Variants in KIF26B observed in about 807,000 individuals in gnomAD.
KIF26B encodes kinesin-like protein KIF26B.
In KIF26B, 63 loss-of-function variants were observed where a neutral mutation model predicts 151.2. The observed-to-expected ratio is 0.42, with a 90% CI of 0.34 to 0.51. The LOEUF (loss-of-function observed/expected upper bound fraction) is 0.51, where lower values mean the gene tolerates loss of function less well. Ranked by LOEUF, KIF26B falls within the 20% of genes least tolerant of loss-of-function variation. The pLI is 0.07. For missense variants in KIF26B, 2,813 were observed against 2,913.6 expected (o/e 0.97, Z 0.79); for synonymous variants, 1,357 against 1,262.1 (o/e 1.08, Z -1.59).
chr1:245,651,603 A>G (rs1426663655), intron 10 of KIF26B, among the ~76,000 whole-genome samples: 9 of 152,212 alleles, frequency 5.9e-5, no homozygotes, highest in African/African-American at 1.7e-4. Context: ...CCCAGGCCAC[A>G]GATTGGTACA....
intron 2 of KIF26B, among the ~76,000 whole-genome samples, chr1:245,326,883 C>G (rs1572005205): frequency 6.6e-6 from 1 of 152,250 alleles, no homozygotes; most frequent in Non-Finnish European, 1.5e-5. Context: ...CATCAAGGAT[C>G]AGGCCCCAAG....
chr1:245,293,639 C>A (rs868412325), intron 2 of KIF26B, among the ~76,000 whole-genome samples: 1 of 149,412 alleles, frequency 6.7e-6, no homozygotes, highest in African/African-American at 2.5e-5. Flanking sequence ...AGTGCAATGG[C>A]GCAATCTCCA....
rs548606865 is a variant in KIF26B at position 245,571,383 on chromosome 1, C to T, written c.1350+30433C>T. On this transcript the variant is annotated intron_variant, in intron 5 of 14. Transcript: ENST00000407071. ...CCAGCTCTGAAGAGTTATTTGGTCC[C>T]TAGATCAAGGGGCAGATAAGTCAGA... Among the ~76,000 whole-genome samples the T allele has an allele frequency of 1.1e-4, 16 of 152,312 alleles. No individual in the cohort carries two copies. The South Asian group carries it at 2.9e-3, about 28-fold the overall frequency.
At position 245,698,709 on chromosome 1, in the gene KIF26B, A is replaced by G. The variant is rs1042641948; in HGVS notation, c.6028-178A>G. ...TCCAAGAATGGTCTGTCATAGTCCT[A>G]CCTTGTGAGGTGTCTGAATTGAGGT... On this transcript the variant is annotated intron_variant, in intron 13 of 14. Coordinates refer to ENST00000407071, the MANE Select transcript of KIF26B (RefSeq NM_018012.4). This position sits in a 1 kb window ranked among gnomAD's most constrained non-coding sequence, Gnocchi z 4.0. 2.0e-5 allele frequency among the ~76,000 whole-genome samples: 3 copies of G among 152,104 alleles called. No individual in the cohort carries two copies. The highest frequency in any genetic ancestry group is 7.2e-5 in the African/African-American group (3 of 41,416).
Position 245,698,232 on chromosome 1 carries a change from G to A in KIF26B, c.5951G>A (p.Gly1984Glu), listed in dbSNP as rs2044719894. The A allele has an allele frequency of 6.2e-7, 1 of 1,613,784 alleles. No individual in the cohort carries two copies. The highest frequency in any genetic ancestry group is 2.2e-5 in the East Asian group (1 of 44,880). The change falls in exon 13 of 15, where the codon GGG becomes GAG. Residue 1984 changes from glycine (G) to glutamate (E), a missense_variant. Gly to Glu is a moderately conservative substitution (Grantham distance 98). Transcript: ENST00000407071. The surrounding 1 kb of genome is among the most constrained non-coding windows in gnomAD (Gnocchi z 4.0). Reference sequence around the variant, plus strand: ...TTGCGGAGCAGCCCGAGGGGCCTTGGGGAACCCTTTGAGATTAAAGTCTAT... The same window carrying A: ...TTGCGGAGCAGCCCGAGGGGCCTTGAGGAACCCTTTGAGATTAAAGTCTAT... ...GPLRSSPRGL[G>E]EPFEIKVYEI... is the part of the protein sequence containing the mutation.
At chr1:245,545,527 C>G (rs1715803) in intron 5 of KIF26B, among the ~76,000 whole-genome samples, 56,456 of 152,052 alleles carry the variant, frequency 0.37, 10,703 homozygotes, top group Middle Eastern at 0.41. Flanking sequence ...GTGCTTTATT[C>G]CAGTCAGTCT....
At chr1:245,386,055 A>C (rs2103019642) in intron 3 of KIF26B, among the ~76,000 whole-genome samples, 1 of 152,286 alleles carries the variant, frequency 6.6e-6, no homozygotes, top group South Asian at 2.1e-4. Flanking sequence ...ACCCTGGCCA[A>C]CATGGTGAAA....
intron 5 of KIF26B, among the ~76,000 whole-genome samples, chr1:245,577,584 C>T (rs1204921833): frequency 1.7e-4 from 26 of 150,832 alleles, no homozygotes; most frequent in African/African-American, 6.1e-4. Context: ...GCGATGCTTC[C>T]CCTATACGGA....
intron 14 of KIF26B, among the ~76,000 whole-genome samples, chr1:245,701,745 CGTCTCTTCAGAGCTT>C (rs1372420128): frequency 1.3e-5 from 2 of 152,200 alleles, no homozygotes; most frequent in African/African-American, 4.8e-5. Flanking sequence ...TCCCAGAGCT[CGTCTCTTCAGAGCTT>C]GTCTCGTGCC....
chr1:245,670,930 A>ATCTTGG (rs56332883), intron 10 of KIF26B, among the ~76,000 whole-genome samples: 12,700 of 152,194 alleles, frequency 0.083, 616 homozygotes, highest in African/African-American at 0.13. Context: ...GTACTTTCAA[A>ATCTTGG]TACTAGATCT....
At chr1:245,493,890 A>C (rs1660457042) in intron 4 of KIF26B, among the ~76,000 whole-genome samples, 1 of 152,190 alleles carries the variant, frequency 6.6e-6, no homozygotes, top group Admixed American at 6.5e-5. Flanking sequence ...AGTGAACTGG[A>C]TACTCCAGTC....
chr1:245,246,922 CAG>C (rs1280536246), intron 2 of KIF26B, among the ~76,000 whole-genome samples: 457 of 150,630 alleles, frequency 3.0e-3, no homozygotes, highest in African/African-American at 0.01. Context: ...CAGACACACA[CAG>C]ACACAGACAC....
chr1:245,284,219 A>G (rs1339986156), intron 2 of KIF26B, among the ~76,000 whole-genome samples: 1 of 152,146 alleles, frequency 6.6e-6, no homozygotes, highest in Non-Finnish European at 1.5e-5. Context: ...TTTTCTCAAC[A>G]TACTGATTTT....
chr1:245,403,657 C>T (rs1163666170), intron 3 of KIF26B, among the ~76,000 whole-genome samples: 1 of 152,158 alleles, frequency 6.6e-6, no homozygotes, highest in Non-Finnish European at 1.5e-5. Context: ...GGCCTCCTCT[C>T]AGGCTCTGGG....
At chr1:245,526,222 A>G (rs1348997975) in intron 4 of KIF26B, among the ~76,000 whole-genome samples, 1 of 152,074 alleles carries the variant, frequency 6.6e-6, no homozygotes, top group Non-Finnish European at 1.5e-5. Context: ...GCCCAGTGTA[A>G]TTTTGCCATG....
In KIF26B at chr1:245,698,697, T is replaced by A. The variant is rs2044727480; in HGVS notation, c.6028-190T>A. 6.6e-6 allele frequency among the ~76,000 whole-genome samples: 1 copy of A among 151,834 alleles called. No individual in the cohort carries two copies. Among genetic ancestry groups the A allele is most frequent in the Non-Finnish European group, 1.5e-5 (1 of 68,026 alleles). On this transcript the variant is annotated intron_variant, in intron 13 of 14. Coordinates refer to ENST00000407071, the MANE Select transcript of KIF26B (RefSeq NM_018012.4). The surrounding 1 kb of genome is among the most constrained non-coding windows in gnomAD (Gnocchi z 4.0). ...GGTCTGTCATAGTCCAAGAATGGTC[T>A]GTCATAGTCCTACCTTGTGAGGTGT...
At chr1:245,235,150 C>T (rs906703236) in intron 2 of KIF26B, among the ~76,000 whole-genome samples, 4 of 152,076 alleles carry the variant, frequency 2.6e-5, no homozygotes, top group East Asian at 3.8e-4. Flanking sequence ...GGAAAATATT[C>T]GAATATGTTA....
chr1:245,502,005 GCACTT>G (rs1341453091), intron 4 of KIF26B, among the ~76,000 whole-genome samples: 3 of 152,154 alleles, frequency 2.0e-5, no homozygotes, highest in African/African-American at 7.2e-5. Flanking sequence ...AAGGCGGCGT[GCACTT>G]CAGATGAGCA....
Position 245,685,655 on chromosome 1 carries a change from C to T in KIF26B, c.2672C>T (p.Pro891Leu), listed in dbSNP as rs2044502473. The T allele has an allele frequency of 1.2e-6, 2 of 1,613,282 alleles. No homozygotes were observed. Among genetic ancestry groups the T allele is most frequent in the Non-Finnish European group, 1.7e-6 (2 of 1,179,826 alleles). ...AACGAGGGCCCCCCAGACTTTGTCC[C>T]TATCGTGCCAGCCCTGCAGAAGACC... ...TDNEGPPDFVPIVPALQKTRG... is the reference protein window; with the variant it reads ...TDNEGPPDFVLIVPALQKTRG... Residue 891 changes from proline to leucine, a missense_variant, in exon 12 of 15, where the codon CCT (proline) becomes CTT (leucine). Physicochemically the swap from Pro to Leu is moderately conservative, Grantham distance 98. Coordinates refer to ENST00000407071, the MANE Select transcript of KIF26B (RefSeq NM_018012.4).
Sources: allele counts gnomAD v4.1 joint callset (sites outside exome capture counted in the v4.1 genomes callset), GRCh38; gene constraint gnomAD v4.1.1; non-coding constraint Gnocchi (gnomAD v3.1); transcripts MANE v1.5; gene names NCBI Gene and HGNC (gene_info 2026-07-23, HGNC 2026-07-21).